DNAH14: variants seen among roughly 807,000 people sequenced by gnomAD.
The protein encoded by DNAH14 is axonemal beta dynein heavy chain 14.
In DNAH14, 478 loss-of-function variants were observed where a neutral mutation model predicts 520.9. That is an observed-to-expected ratio of 0.92 (90% confidence interval 0.85 to 0.99). DNAH14 has a LOEUF of 0.99. DNAH14 is among the 50% of genes least tolerant of loss of function. The pLI, the probability that DNAH14 is intolerant of heterozygous loss-of-function variation, is 0.00. For missense variants in DNAH14, 4,831 were observed against 5,234.5 expected, an observed-to-expected ratio of 0.92 and a Z score of 2.38; for synonymous variants, 1,581 against 1,757.2, an observed-to-expected ratio of 0.90 and a Z score of 2.51.
intron 37 of DNAH14, among the ~76,000 whole-genome samples, chr1:225,186,367 A>G (rs2084734514): frequency 6.6e-6 from 1 of 151,840 alleles, no homozygotes; most frequent in African/African-American, 2.4e-5. Flanking sequence ...ATAAGAGGTG[A>G]ATTATCACAG....
intron 17 of DNAH14, among the ~76,000 whole-genome samples, chr1:225,067,254 A>G (rs901003527): frequency 3.3e-5 from 5 of 152,114 alleles, no homozygotes; most frequent in African/African-American, 1.2e-4. Context: ...TGCTAAGGAC[A>G]ATGGCCTCCA....
intron 1 of DNAH14, among the ~76,000 whole-genome samples, chr1:224,931,103 T>C (rs531498006): frequency 6.6e-6 from 1 of 152,352 alleles, no homozygotes; most frequent in South Asian, 2.1e-4. Context: ...TTGGTGATAC[T>C]GATCCTGTCT....
chr1:225,195,976 C>G (rs972325084), intron 38 of DNAH14, among the ~76,000 whole-genome samples: 3 of 151,658 alleles, frequency 2.0e-5, no homozygotes, highest in Admixed American at 2.0e-4. Flanking sequence ...AACTTTTAAC[C>G]CACAGTCTCA....
chr1:225,009,298 G>A (rs2064482830), intron 10 of DNAH14, among the ~76,000 whole-genome samples: 1 of 152,100 alleles, frequency 6.6e-6, no homozygotes, highest in African/African-American at 2.4e-5. Context: ...GTAAGGAAGG[G>A]GTCCAGTTTC....
At chr1:224,988,243 A>G (rs1003398922) in intron 8 of DNAH14, among the ~76,000 whole-genome samples, 16 of 152,060 alleles carry the variant, frequency 1.1e-4, no homozygotes, top group African/African-American at 3.6e-4. Flanking sequence ...GTTCCTTTTA[A>G]TGGCTGCATA....
Position 225,256,301 on chromosome 1 carries a change from G to A in DNAH14, c.6866-1659G>A, listed in dbSNP as rs559307739. Reference sequence around the variant, plus strand: ...AGTGGCAAAAACAGAGAGAATTAGTGCGCACGTGTTGGTCATCCAGAAGTT... The same window carrying A: ...AGTGGCAAAAACAGAGAGAATTAGTACGCACGTGTTGGTCATCCAGAAGTT... On this transcript the variant is annotated intron_variant, in intron 44 of 85. Coordinates refer to ENST00000682510, the MANE Select transcript of DNAH14 (RefSeq NM_001367479.1). Among the ~76,000 whole-genome samples, 12 of 152,292 alleles carry A rather than the reference G, an allele frequency of 7.9e-5. 1 individual carries two copies. The highest frequency in any genetic ancestry group is 1.6e-4 in the Non-Finnish European group (11 of 68,018).
intron 55 of DNAH14, among the ~76,000 whole-genome samples, chr1:225,293,306 G>GCAAT (rs2093933446): frequency 6.6e-6 from 1 of 152,026 alleles, no homozygotes; most frequent in Non-Finnish European, 1.5e-5. Context: ...ATTCAACCCA[G>GCAAT]CAATCCCATT....
rs139638759 is a variant in DNAH14 at position 225,209,546 on chromosome 1, A to G, written c.6439+2326A>G. Among the ~76,000 whole-genome samples, 8 of 152,316 alleles carry G rather than the reference A, an allele frequency of 5.3e-5. No individual in the cohort carries two copies. In the East Asian group the frequency reaches 9.7e-4, roughly 18 times the overall value. ...AATTTATTGTGAATAGCTACATTCA[A>G]TATCAATTTATGAATAATACCTAAG... On this transcript the variant is annotated intron_variant, in intron 41 of 85. Coordinates refer to ENST00000682510, the MANE Select transcript of DNAH14 (RefSeq NM_001367479.1).
intron 23 of DNAH14, among the ~76,000 whole-genome samples, chr1:225,104,346 C>G (rs939602537): frequency 6.6e-6 from 1 of 152,060 alleles, no homozygotes; most frequent in Non-Finnish European, 1.5e-5. Context: ...CTAAAATTCT[C>G]TTTTTTTGTT....
chr1:225,198,201 G>A (rs1003306620), intron 38 of DNAH14, among the ~76,000 whole-genome samples: 1 of 150,522 alleles, frequency 6.6e-6, no homozygotes, highest in African/African-American at 2.5e-5. Context: ...ATTACATTGA[G>A]ATATGTCCCT....
chr1:224,991,909 T>G (rs1342007153), intron 8 of DNAH14, among the ~76,000 whole-genome samples: 2 of 152,172 alleles, frequency 1.3e-5, no homozygotes, highest in Non-Finnish European at 2.9e-5. Context: ...AAATCAAAAC[T>G]ACAGTGAGAT....
intron 10 of DNAH14, 151 bp from the exon 11 acceptor site, chr1:225,023,464 A>G (rs2065872290): frequency 5.6e-6 from 3 of 539,132 alleles, no homozygotes; most frequent in Non-Finnish European, 9.2e-6. Flanking sequence ...TTTTAGGCCT[A>G]CCCTTTAAAT....
intron 10 of DNAH14, among the ~76,000 whole-genome samples, chr1:225,009,181 C>A (rs1208437965): frequency 6.6e-6 from 1 of 152,084 alleles, no homozygotes; most frequent in African/African-American, 2.4e-5. Flanking sequence ...GAAGTCTTTG[C>A]CCATGCCTAT....
chr1:225,290,104 T>C, intron 55 of DNAH14, 22 bp downstream of exon 55: 3 of 1,352,830 alleles, frequency 2.2e-6, no homozygotes, highest in Non-Finnish European at 2.9e-6. Flanking sequence ...TTGTCTTTGC[T>C]ATTTGCTGAA....
At chr1:225,030,244 A>T (rs1458911753) in intron 11 of DNAH14, among the ~76,000 whole-genome samples, 1 of 151,932 alleles carries the variant, frequency 6.6e-6, no homozygotes, top group African/African-American at 2.4e-5. Flanking sequence ...AACTTACTAT[A>T]GGCAGCAAAG....
In DNAH14 at chr1:225,050,377, G is replaced by C. The variant is rs1348992171; in HGVS notation, c.2079+1G>C. 48 of 1,540,048 alleles carry C rather than the reference G, an allele frequency of 3.1e-5. No individual in the cohort carries two copies. Among genetic ancestry groups the C allele is most frequent in the Non-Finnish European group, 4.2e-5 (48 of 1,143,648 alleles). On this transcript the variant is annotated splice_donor_variant, in intron 16 of 85. Transcript: ENST00000682510. LOFTEE classifies it high-confidence loss of function. ...AACAGATCCTGCCTACCAAAATATA[G>C]TAAGTTTTAAAACAGTTCATTTTAG... is the stretch of plus-strand genomic sequence containing the variant.
At chr1:224,939,105 C>A (rs1288596356) in intron 1 of DNAH14, among the ~76,000 whole-genome samples, 1 of 151,954 alleles carries the variant, frequency 6.6e-6, no homozygotes, top group Non-Finnish European at 1.5e-5. Flanking sequence ...TGAAAGATGG[C>A]AAATTATATA....
intron 43 of DNAH14, 123 bp from the exon 44 acceptor site, chr1:225,252,178 C>G: frequency 2.9e-6 from 2 of 683,408 alleles, no homozygotes; most frequent in Non-Finnish European, 5.3e-6. Flanking sequence ...TTGGATATAC[C>G]CTTGGTGAAT....
In DNAH14 at chr1:225,079,360, C is replaced by A; in HGVS notation, c.2578C>A (p.His860Asn). The change falls in exon 18 of 86, where the codon CAT (histidine) becomes AAT (asparagine). Residue 860 changes from histidine (H) to asparagine (N), a missense_variant. His to Asn is a moderately conservative substitution (Grantham distance 68). Transcript: ENST00000682510. ...GTCTCAGCTATATTCTGTTGCAAAG[C>A]ATCACCAGATCCATATTTCAGAAGA... Reference protein sequence around the residue: ...TMSQLYSVAKHHQIHISEEQI... With the variant: ...TMSQLYSVAKNHQIHISEEQI... 1 of 1,550,880 alleles carries A rather than the reference C, an allele frequency of 6.4e-7. No individual in the cohort carries two copies.
Sources: allele counts gnomAD v4.1 joint callset (sites outside exome capture counted in the v4.1 genomes callset), GRCh38; gene constraint gnomAD v4.1.1; transcripts MANE v1.5; gene names NCBI Gene and HGNC (gene_info 2026-07-23, HGNC 2026-07-21).